GRM5: variants seen among roughly 807,000 people sequenced by gnomAD.
GRM5 encodes glutamate metabotropic receptor 5.
A neutral mutation model predicts 83.1 loss-of-function variants in GRM5; 19 were observed. The observed-to-expected ratio is 0.23, with a 90% CI of 0.16 to 0.34. The LOEUF (loss-of-function observed/expected upper bound fraction) is 0.34, where lower values mean the gene tolerates loss of function less well. GRM5 is among the 10% of genes least tolerant of loss of function. GRM5 has a pLI of 1.00. For synonymous variants in GRM5, 675 were observed against 633.6 expected (o/e 1.07, Z -0.98); for missense variants, 1,160 against 1,588.3 (o/e 0.73, Z 4.58).
intron 9 of GRM5, among the ~76,000 whole-genome samples, chr11:88,514,036 C>T (rs1941457647): frequency 6.6e-6 from 1 of 151,946 alleles, no homozygotes; most frequent in East Asian, 1.9e-4. Flanking sequence ...CACCTTCCCT[C>T]ACTGAATATT....
At chr11:88,687,574 TATATAATA>T (rs1356827204) in intron 3 of GRM5, among the ~76,000 whole-genome samples, 1 of 33,648 alleles carries the variant, frequency 3.0e-5, no homozygotes, top group Non-Finnish European at 4.6e-5. Context: ...TATATATATA[TATATAATA>T]TATATATATA....
intron 4 of GRM5, among the ~76,000 whole-genome samples, chr11:88,639,612 G>A (rs1487839027): frequency 8.0e-5 from 12 of 150,460 alleles, no homozygotes; most frequent in African/African-American, 2.9e-4. Flanking sequence ...TTTTGAGATG[G>A]AGTCTCGCAC....
At chr11:88,944,172 T>C (rs1938201299) in intron 2 of GRM5, among the ~76,000 whole-genome samples, 1 of 151,862 alleles carries the variant, frequency 6.6e-6, no homozygotes, top group Non-Finnish European at 1.5e-5. Flanking sequence ...AAAGAATAAA[T>C]GATGTAGACG....
intron 2 of GRM5, among the ~76,000 whole-genome samples, chr11:88,851,325 G>A (rs1027283952): frequency 6.6e-6 from 1 of 152,132 alleles, no homozygotes; most frequent in African/African-American, 2.4e-5. Context: ...TAACCAAGCT[G>A]TAGAACATAT....
At chr11:88,994,753 G>A (rs1940122244) in intron 2 of GRM5, among the ~76,000 whole-genome samples, 1 of 151,578 alleles carries the variant, frequency 6.6e-6, no homozygotes, top group Non-Finnish European at 1.5e-5. Flanking sequence ...ATTGTCTCAA[G>A]TATGTATGAG....
chr11:88,591,256 C>G (rs1193328234), intron 6 of GRM5, among the ~76,000 whole-genome samples: 3 of 152,096 alleles, frequency 2.0e-5, no homozygotes, highest in Non-Finnish European at 4.4e-5. Context: ...TAAGATTTTC[C>G]TGGAGATGAT....
intron 2 of GRM5, among the ~76,000 whole-genome samples, chr11:88,854,257 G>C (rs577210196): frequency 6.6e-6 from 1 of 151,688 alleles, no homozygotes; most frequent in African/African-American, 2.4e-5. Flanking sequence ...AATAATCAAT[G>C]TCTATTTCCA....
At chr11:88,998,400 A>G (rs1274742662) in intron 2 of GRM5, among the ~76,000 whole-genome samples, 2 of 152,184 alleles carry the variant, frequency 1.3e-5, no homozygotes, top group African/African-American at 4.8e-5. Flanking sequence ...CCCAACTCTC[A>G]GGAATATAGG....
At chr11:88,966,621 T>C (rs1443791267) in intron 2 of GRM5, among the ~76,000 whole-genome samples, 3 of 152,150 alleles carry the variant, frequency 2.0e-5, no homozygotes, top group Admixed American at 2.0e-4. Flanking sequence ...GTTCCTACTC[T>C]ACTGTTGCGT....
intron 3 of GRM5, among the ~76,000 whole-genome samples, chr11:88,831,447 G>A (rs577747485): frequency 6.6e-5 from 10 of 152,288 alleles, no homozygotes; most frequent in East Asian, 1.9e-4. Flanking sequence ...CAGTGCAGCC[G>A]CTGCCTCCCT....
intron 3 of GRM5, among the ~76,000 whole-genome samples, chr11:88,755,493 T>TGTAA (rs1942377940): frequency 6.6e-6 from 1 of 152,176 alleles, no homozygotes; most frequent in Admixed American, 6.6e-5. Context: ...ACAATGGAAA[T>TGTAA]GTAAGTACCT....
intron 4 of GRM5, among the ~76,000 whole-genome samples, chr11:88,652,581 TA>T (rs1939660372): frequency 6.6e-6 from 1 of 152,126 alleles, no homozygotes. Flanking sequence ...TCCTTACAAC[TA>T]AAGCAAAATT....
At chr11:88,826,191 T>C (rs1943892541) in intron 3 of GRM5, among the ~76,000 whole-genome samples, 1 of 152,066 alleles carries the variant, frequency 6.6e-6, no homozygotes, top group African/African-American at 2.4e-5. Flanking sequence ...CAATTTTCAG[T>C]TTTAGCAATT....
chr11:88,977,205 A>ATTATT (rs574325034), intron 2 of GRM5, among the ~76,000 whole-genome samples: 3 of 150,168 alleles, frequency 2.0e-5, no homozygotes, highest in Non-Finnish European at 3.0e-5. Flanking sequence ...TTTATATTAT[A>ATTATT]TTATTTTATT....
At chr11:89,028,947 C>T (rs1201327415) in intron 2 of GRM5, among the ~76,000 whole-genome samples, 1 of 151,982 alleles carries the variant, frequency 6.6e-6, no homozygotes, top group African/African-American at 2.4e-5. Flanking sequence ...AGTCCCCCAC[C>T]CCCCTACGTA....
chr11:88,812,970 T>A (rs1943612156), intron 3 of GRM5, among the ~76,000 whole-genome samples: 1 of 152,134 alleles, frequency 6.6e-6, no homozygotes. Flanking sequence ...ACCTGAATTC[T>A]GGTAAATCCT....
chr11:88,579,513 C>T (rs1943183428), intron 7 of GRM5, among the ~76,000 whole-genome samples: 1 of 152,054 alleles, frequency 6.6e-6, no homozygotes, highest in Admixed American at 6.6e-5. Flanking sequence ...AAACGGGTTG[C>T]TCAGGGTAGA....
intron 2 of GRM5, among the ~76,000 whole-genome samples, chr11:88,873,593 C>T (rs1171772239): frequency 2.0e-5 from 3 of 151,492 alleles, no homozygotes; most frequent in South Asian, 2.1e-4. Flanking sequence ...GAAAATTAAA[C>T]AACATGCTCC....
chr11:89,027,675 A>G (rs1433540350), intron 2 of GRM5, among the ~76,000 whole-genome samples: 1 of 152,200 alleles, frequency 6.6e-6, no homozygotes, highest in African/African-American at 2.4e-5. Flanking sequence ...CTTCCATATT[A>G]TTTAGCATTT....
Sources: gnomAD v4.1 joint callset for allele counts (sites outside exome capture counted in the v4.1 genomes callset) on GRCh38, gnomAD v4.1.1 for gene constraint, MANE v1.5 for transcripts, NCBI Gene and HGNC (gene_info 2026-07-23, HGNC 2026-07-21) for gene names.